GCC2: variants seen among roughly 807,000 people sequenced by gnomAD.
GCC2 encodes the protein GRIP and coiled-coil domain-containing protein 2.
GCC2 carries 120 observed loss-of-function variants against 210.6 expected under a neutral mutation model. The ratio of observed to expected loss-of-function variants is 0.57; its 90% confidence interval spans 0.49 to 0.66. The LOEUF (loss-of-function observed/expected upper bound fraction) is 0.66, where lower values mean the gene tolerates loss of function less well. Among genes scored for constraint, GCC2 ranks in the 30% least tolerant of loss-of-function variants. GCC2 has a pLI of 0.00. For synonymous variants in GCC2, 703 were observed against 652.7 expected, an observed-to-expected ratio of 1.08 and a Z score of -1.17; for missense variants, 1,868 against 1,871.9, an observed-to-expected ratio of 1.00 and a Z score of 0.04.
Position 108,489,916 on chromosome 2 carries a change from T to A in GCC2, c.4131T>A (p.Ser1377=), listed in dbSNP as rs1212522497. 1 of 1,611,128 alleles carries A rather than the reference T, an allele frequency of 6.2e-7. No homozygotes were observed. Among genetic ancestry groups the A allele is most frequent in the Non-Finnish European group, 8.5e-7 (1 of 1,178,300 alleles). ...AAAATAACTTACAGATTAATGTATC[T>A]GAACTTCAAACATTGCAGTCTGAAC... ...DSQNNLQINV[S]ELQTLQSEHD... is the part of the protein sequence containing the mutation. The change falls in exon 18 of 23, where the codon TCT becomes TCA. Residue 1377 remains serine (S), a synonymous_variant. Coordinates refer to ENST00000309863, the MANE Select transcript of GCC2 (RefSeq NM_181453.4).
rs769241951 is a variant in GCC2 at position 108,485,452 on chromosome 2, G to A, written c.3614-184G>A. Among the ~76,000 whole-genome samples the A allele has an allele frequency of 1.5e-3, 221 of 152,150 alleles. 3 individuals are homozygous for A. Among genetic ancestry groups the A allele is most frequent in the Non-Finnish European group, 3.8e-4 (26 of 68,034 alleles). On this transcript the variant is annotated intron_variant, in intron 13 of 22. Coordinates refer to ENST00000309863, the MANE Select transcript of GCC2 (RefSeq NM_181453.4). ...TATGGGTTGTAATTGTTACAGCCGG[G>A]AGTTGGGTACAGTAGAGTTTATGGC...
chr2:108,465,809 G>A (rs1268891734), intron 4 of GCC2, among the ~76,000 whole-genome samples: 1 of 152,110 alleles, frequency 6.6e-6, no homozygotes, highest in Admixed American at 6.5e-5. Context: ...ATTCCCACCA[G>A]CGGTGTATAA....
chr2:108,461,885 C>G (rs9789660), intron 4 of GCC2, among the ~76,000 whole-genome samples: 1 of 136,528 alleles, frequency 7.3e-6, no homozygotes, highest in Admixed American at 7.2e-5. Context: ...CCAGGCCGGA[C>G]TGCAGTGGCC....
intron 18 of GCC2, among the ~76,000 whole-genome samples, chr2:108,491,950 C>T (rs562934470): frequency 6.6e-6 from 1 of 152,060 alleles, no homozygotes; most frequent in South Asian, 2.1e-4. Flanking sequence ...CTACTGAGAT[C>T]CTGATTCAGT....
chr2:108,449,763 A>C, intron 2 of GCC2, 74 bp downstream of exon 2: 7 of 1,126,450 alleles, frequency 6.2e-6, no homozygotes, highest in Non-Finnish European at 9.2e-6. Context: ...TGGCATGGGG[A>C]AGGGGGGGGC....
At chr2:108,451,307 C>T (rs1679931439) in intron 3 of GCC2, among the ~76,000 whole-genome samples, 195 bp downstream of exon 3, 1 of 152,188 alleles carries the variant, frequency 6.6e-6, no homozygotes, top group Admixed American at 6.5e-5. Context: ...CATCTCTAAA[C>T]CACAGTGACT....
chr2:108,452,736 C>T (rs538352661), intron 4 of GCC2, among the ~76,000 whole-genome samples: 1 of 139,524 alleles, frequency 7.2e-6, no homozygotes, highest in Non-Finnish European at 1.5e-5. Flanking sequence ...ACTCTGTCAC[C>T]AGGCTGAAGT....
intron 4 of GCC2, among the ~76,000 whole-genome samples, chr2:108,463,546 G>C (rs1680714622): frequency 6.6e-6 from 1 of 152,104 alleles, no homozygotes; most frequent in South Asian, 2.1e-4. Context: ...AGTTTTGCTG[G>C]GGCCTGGAAT....
rs1683275422 is a variant in GCC2, at chr2:108,507,748, T to C, written c.*118T>C. The C allele has an allele frequency of 1.9e-5, 14 of 730,566 alleles. No individual in the cohort carries two copies. The South Asian group carries it at 2.2e-4, about 12-fold the overall frequency. The allele number at this position is 730,566 out of a possible 1,614,324, so 45.3% of individuals were successfully genotyped here. On this transcript the variant is annotated 3_prime_UTR_variant, in exon 23 of 23. Coordinates refer to ENST00000309863, the MANE Select transcript of GCC2 (RefSeq NM_181453.4). The stretch of plus-strand genomic sequence containing the variant: ...TATATATGTTTGCATCTACATATAT[T>C]TGTACATCTATATGACAGATGTATT...
chr2:108,489,649 A>C (rs1159689003), intron 17 of GCC2, among the ~76,000 whole-genome samples, 189 bp from the exon 18 acceptor site: 4 of 149,776 alleles, frequency 2.7e-5, no homozygotes, highest in Non-Finnish European at 5.9e-5. Context: ...TGTAGTGCCT[A>C]AGATTTTAAA....
chr2:108,502,719 T>G (rs1558763467), intron 22 of GCC2, among the ~76,000 whole-genome samples: 2 of 151,934 alleles, frequency 1.3e-5, no homozygotes, highest in Non-Finnish European at 2.9e-5. Flanking sequence ...ACCCAGGAGT[T>G]CTAGACCAGC....
intron 21 of GCC2, among the ~76,000 whole-genome samples, chr2:108,498,803 G>A (rs1164069655): frequency 1.3e-5 from 2 of 151,758 alleles, no homozygotes; most frequent in Non-Finnish European, 2.9e-5. Flanking sequence ...CACTGTGGAC[G>A]TCTTAACTGC....
rs1558744710 is a variant in GCC2 at position 108,476,054 on chromosome 2, C to CCTTTTTTTTTTTTTTTTTTTTTTTTTTT, written c.3060+204_3060+205insCTTTTTTTTTTTTTTTTTTTTTTTTTTT. ...TGGTTAAGCTTTAAATAGTGGCTTG[C>CCTTTTTTTTTTTTTTTTTTTTTTTTTTT]TTTTTTTTTTTTTTTTTTTTTTTTT... On this transcript the variant is annotated intron_variant, in intron 9 of 22. Coordinates refer to ENST00000309863, the MANE Select transcript of GCC2 (RefSeq NM_181453.4). 2.1e-5 allele frequency among the ~76,000 whole-genome samples: 2 copies of CCTTTTTTTTTTTTTTTTTTTTTTTTTTT among 96,328 alleles called. 1 individual carries two copies. The allele number at this position is 96,328 out of a possible 152,430, so 63.2% of individuals were successfully genotyped here.
chr2:108,470,188 A>G lies in GCC2; in HGVS notation c.859A>G (p.Ser287Gly). 6.2e-7 allele frequency: 1 copy of G among 1,613,328 alleles called. No homozygotes were observed. The highest frequency in any genetic ancestry group is 8.5e-7 in the Non-Finnish European group (1 of 1,179,766). ...KENLVKQCEA[S>G]EKNIQKKYEC... ...GAACTTAGTAAAACAATGTGAGGCA[A>G]GTGAAAAGAACATCCAGAAGAAATA... The change falls in exon 6 of 23, where the codon AGT (serine) becomes GGT (glycine). Residue 287 changes from serine to glycine, a missense_variant. Physicochemically the swap from Ser to Gly is moderately conservative, Grantham distance 56. This residue lies in a region of GCC2 where 1,847 missense variants were observed against 1,765.2 expected (regional missense o/e 1.05). Coordinates refer to ENST00000309863, the MANE Select transcript of GCC2 (RefSeq NM_181453.4).
rs150315496 is a variant in GCC2 at position 108,493,153 on chromosome 2, G to A, written c.4447+363G>A. On this transcript the variant is annotated intron_variant, in intron 19 of 22. Coordinates refer to ENST00000309863, the MANE Select transcript of GCC2 (RefSeq NM_181453.4). ...CGCCCAGGCTGGAGTGCAGTGGCGC[G>A]ATCTCGGCTCACTGCAAGCTCCACC... The A allele has an allele frequency of 6.5e-3, 1,792 of 273,830 alleles. 26 individuals are homozygous for A. Among genetic ancestry groups the A allele is most frequent in the African/African-American group, 0.027 (1,233 of 45,436 alleles). The allele number at this position is 273,830 out of a possible 1,614,324, so 17.0% of individuals were successfully genotyped here.
intron 4 of GCC2, among the ~76,000 whole-genome samples, chr2:108,464,022 G>A (rs896858543): frequency 6.6e-6 from 1 of 152,048 alleles, no homozygotes; most frequent in Non-Finnish European, 1.5e-5. Context: ...ACTGGTAGGG[G>A]CTGGAGCCAG....
At chr2:108,475,360 G>A (rs2577618) in intron 7 of GCC2, 175 bp from the exon 8 acceptor site, 72,941 of 427,402 alleles carry the variant, frequency 0.17, 7,035 homozygotes, top group African/African-American at 0.27. Context: ...TACATTGTTT[G>A]TCTCACATAA....
chr2:108,509,367 T>C lies in GCC2; in HGVS notation c.*1737T>C, dbSNP rs1683375078. 1 of 152,328 alleles carries C rather than the reference T, an allele frequency of 6.6e-6. No individual in the cohort carries two copies. The highest frequency in any genetic ancestry group is 6.5e-5 in the Admixed American group (1 of 15,288). 9.4% of individuals were successfully genotyped at this position (152,328 alleles called of 1,614,324 possible). ...CAATGAGAGGAAGTGTAATGATTAT[T>C]TTAATATTTCTATTAAATATGTTTA... On this transcript the variant is annotated 3_prime_UTR_variant, in exon 23 of 23. Transcript: ENST00000309863.
At chr2:108,505,239 A>G (rs1185248035) in intron 22 of GCC2, among the ~76,000 whole-genome samples, 1 of 152,220 alleles carries the variant, frequency 6.6e-6, no homozygotes, top group African/African-American at 2.4e-5. Flanking sequence ...CAGTTTAGGG[A>G]AATGTTTACA....
Sources: allele counts gnomAD v4.1 joint callset (sites outside exome capture counted in the v4.1 genomes callset), GRCh38; gene constraint gnomAD v4.1.1; regional missense constraint gnomAD v4.1.1; transcripts MANE v1.5; gene names NCBI Gene and HGNC (gene_info 2026-07-23, HGNC 2026-07-21).